The following NOX4 variants were observed in gnomAD, a reference collection of about 807,000 sequenced individuals.
NOX4 encodes NADPH oxidase 4, also known as kidney oxidase-1.
A neutral mutation model predicts 87.6 loss-of-function variants in NOX4; 69 were observed. The observed-to-expected ratio is 0.79, with a 90% confidence interval of 0.65 to 0.96. The LOEUF (loss-of-function observed/expected upper bound fraction) is 0.96. Among genes scored for constraint, NOX4 ranks in the 40% least tolerant of loss-of-function variants. The probability of loss-of-function intolerance (pLI) is 0.00; values close to 1 mark genes in which losing one functional copy is unlikely to be tolerated. For missense variants in NOX4, 680 were observed against 681.5 expected (o/e 1.00, Z 0.02); for synonymous variants, 275 against 238.2 (o/e 1.15, Z -1.42).
At chr11:89,461,538 G>A (rs1945464421) in intron 2 of NOX4, among the ~76,000 whole-genome samples, 1 of 151,358 alleles carries the variant, frequency 6.6e-6, no homozygotes, top group Non-Finnish European at 1.5e-5. Flanking sequence ...CCAGCTACTC[G>A]GGAGGCTGAG....
At chr11:89,343,839 C>T (rs1233993674) in intron 13 of NOX4, among the ~76,000 whole-genome samples, 4 of 151,864 alleles carry the variant, frequency 2.6e-5, no homozygotes, top group Admixed American at 2.6e-4. Context: ...TGAAAAGATC[C>T]TTTATGAAGG....
chr11:89,434,667 G>A (rs1268099644), intron 6 of NOX4, among the ~76,000 whole-genome samples: 1 of 151,136 alleles, frequency 6.6e-6, no homozygotes, highest in Non-Finnish European at 1.5e-5. Context: ...AATGTTCATA[G>A]CTACTTATTT....
chr11:89,331,769 C>T (rs1460409040), intron 17 of NOX4, among the ~76,000 whole-genome samples: 1 of 151,618 alleles, frequency 6.6e-6, no homozygotes, highest in African/African-American at 2.4e-5. Flanking sequence ...TTTTAAATCA[C>T]ACAGGATGTT....
At chr11:89,571,009 C>T in the NOX4 span, among the ~76,000 whole-genome samples, 5 of 152,096 alleles carry the variant, frequency 3.3e-5, no homozygotes, top group African/African-American at 1.2e-4. Flanking sequence ...TTTAATGTAA[C>T]TTCTTTTGCT....
At chr11:89,335,263 C>G (rs1208799409) in intron 17 of NOX4, among the ~76,000 whole-genome samples, 1 of 151,750 alleles carries the variant, frequency 6.6e-6, no homozygotes, top group Non-Finnish European at 1.5e-5. Flanking sequence ...GAAATGGAAG[C>G]TTTCCTTCTT....
At chr11:89,404,029 T>A (rs1200198359) in intron 8 of NOX4, among the ~76,000 whole-genome samples, 1 of 151,520 alleles carries the variant, frequency 6.6e-6, no homozygotes, top group East Asian at 2.0e-4. Context: ...GACATCATAG[T>A]AGACCACACA....
At chr11:89,541,562 G>C in the NOX4 span, among the ~76,000 whole-genome samples, 15 of 151,806 alleles carry the variant, frequency 9.9e-5, no homozygotes, top group African/African-American at 3.6e-4. Flanking sequence ...GTATCTTCTG[G>C]TTTTCAGCAT....
the NOX4 span, among the ~76,000 whole-genome samples, chr11:89,513,323 A>G: frequency 6.6e-6 from 1 of 151,986 alleles, no homozygotes; most frequent in African/African-American, 2.4e-5. Flanking sequence ...TCCGTCTAAA[A>G]AAAAAAAAAT....
intron 4 of NOX4, among the ~76,000 whole-genome samples, chr11:89,447,799 C>T (rs937965965): frequency 6.6e-6 from 1 of 152,120 alleles, no homozygotes; most frequent in Non-Finnish European, 1.5e-5. Flanking sequence ...CTATCTCTAA[C>T]CCTTACTACA....
chr11:89,426,728 C>T (rs1333577244), intron 7 of NOX4, among the ~76,000 whole-genome samples: 1 of 152,142 alleles, frequency 6.6e-6, no homozygotes, highest in Non-Finnish European at 1.5e-5. Context: ...GGCCTGGATG[C>T]TCAAACTGGG....
chr11:89,412,073 A>G (rs1275722330), intron 8 of NOX4, among the ~76,000 whole-genome samples: 1 of 152,200 alleles, frequency 6.6e-6, no homozygotes, highest in Non-Finnish European at 1.5e-5. Context: ...GAAGAGACCA[A>G]AAAAATCATA....
chr11:89,549,632 C>T, the NOX4 span, among the ~76,000 whole-genome samples: 1 of 152,090 alleles, frequency 6.6e-6, no homozygotes, highest in African/African-American at 2.4e-5. Context: ...TAATACTATC[C>T]CTCCCCTTTT....
chr11:89,392,013 G>T (rs564473154), intron 11 of NOX4, among the ~76,000 whole-genome samples: 1 of 138,164 alleles, frequency 7.2e-6, no homozygotes, highest in Non-Finnish European at 1.5e-5. Context: ...CCCCTCTCCC[G>T]ACCTGGGATA....
chr11:89,342,872 T>C (rs779126506), intron 13 of NOX4, among the ~76,000 whole-genome samples: 4 of 152,170 alleles, frequency 2.6e-5, no homozygotes, highest in African/African-American at 7.2e-5. Context: ...TTAACTGCAA[T>C]AGAAATGCTA....
chr11:89,428,207 C>G (rs1223455020), intron 7 of NOX4, among the ~76,000 whole-genome samples: 1 of 152,142 alleles, frequency 6.6e-6, no homozygotes. Flanking sequence ...CCTAAAAGAG[C>G]TCCTGAAGGA....
At chr11:89,379,477 A>T (rs894144615) in intron 11 of NOX4, among the ~76,000 whole-genome samples, 2 of 152,134 alleles carry the variant, frequency 1.3e-5, no homozygotes, top group African/African-American at 4.8e-5. Flanking sequence ...AAACCCAAAG[A>T]CAAGGAGACG....
chr11:89,426,342 G>A (rs758079145), intron 7 of NOX4, among the ~76,000 whole-genome samples: 1 of 152,040 alleles, frequency 6.6e-6, no homozygotes, highest in Non-Finnish European at 1.5e-5. Flanking sequence ...GAGGTACTGG[G>A]TTCATCTCAC....
chr11:89,500,469 A>G (rs187769188), upstream of NOX4, among the ~76,000 whole-genome samples: 78 of 152,252 alleles, frequency 5.1e-4, 1 homozygote, highest in African/African-American at 1.9e-3. Context: ...CTCTTCTTTC[A>G]TTTAGCAACA....
chr11:89,438,307 G>A (rs1308250056), intron 6 of NOX4, among the ~76,000 whole-genome samples: 5 of 122,800 alleles, frequency 4.1e-5, no homozygotes, highest in Non-Finnish European at 6.4e-5. Flanking sequence ...ATTTTGAGAT[G>A]TTAAACTTGC....
Sources: gnomAD v4.1 joint callset for allele counts (sites outside exome capture counted in the v4.1 genomes callset) on GRCh38, gnomAD v4.1.1 for gene constraint, MANE v1.5 for transcripts, NCBI Gene and HGNC (gene_info 2026-07-23, HGNC 2026-07-21) for gene names.